Variants in PARD3B observed in about 807,000 individuals in gnomAD.
PARD3B encodes partitioning defective 3 homolog B.
A neutral mutation model predicts 130.2 loss-of-function variants in PARD3B; 103 were observed. The observed-to-expected ratio is 0.79, with a 90% confidence interval of 0.67 to 0.93. The LOEUF is 0.93. Ranked by LOEUF, PARD3B falls within the 40% of genes least tolerant of loss-of-function variation. PARD3B has a pLI of 0.00. For synonymous variants in PARD3B, 583 were observed against 553.2 expected, an observed-to-expected ratio of 1.05 and a Z score of -0.76; for missense variants, 1,609 against 1,499.2, an observed-to-expected ratio of 1.07 and a Z score of -1.21.
rs577041553 is a variant in PARD3B, at chr2:204,976,941, T to C, written c.394+11618T>C. ...ACTGATATTTTGATCTGGTCTTTTG[T>C]TATCCCTTTATTCCACTTTCAACTT... On this transcript the variant is annotated intron_variant, in intron 3 of 22. Transcript: ENST00000406610. Among the ~76,000 whole-genome samples, 29 of 152,282 alleles carry C rather than the reference T, an allele frequency of 1.9e-4. No homozygotes were observed. In the South Asian group the frequency reaches 5.8e-3, roughly 31 times the overall value.
At chr2:205,232,590 A>C (rs1574461664) in intron 15 of PARD3B, among the ~76,000 whole-genome samples, 1 of 152,246 alleles carries the variant, frequency 6.6e-6, no homozygotes, top group Non-Finnish European at 1.5e-5. Context: ...TAAAACCAGA[A>C]CTGACACAGA....
Position 205,287,084 on chromosome 2 carries a change from T to A in PARD3B, c.2186-13446T>A, listed in dbSNP as rs897975637. On this transcript the variant is annotated intron_variant, in intron 16 of 22. Transcript: ENST00000406610. The surrounding 1 kb of genome is among the most constrained non-coding windows in gnomAD (Gnocchi z 4.8). ...GACTGGAACATGCCTGTCTATAAGC[T>A]GGTGTCAGACACACTTCTCACTGGT... Among the ~76,000 whole-genome samples, 2 of 152,172 alleles carry A rather than the reference T, an allele frequency of 1.3e-5. No individual in the cohort carries two copies. The highest frequency in any genetic ancestry group is 2.9e-5 in the Non-Finnish European group (2 of 68,018).
intron 18 of PARD3B, among the ~76,000 whole-genome samples, chr2:205,400,806 A>T (rs2046225014): frequency 6.6e-6 from 1 of 152,186 alleles, no homozygotes; most frequent in South Asian, 2.1e-4. Context: ...GAAGGAAGGA[A>T]GGAAAGAAGA....
chr2:205,053,232 A>G (rs957057740), intron 4 of PARD3B, among the ~76,000 whole-genome samples: 1 of 152,084 alleles, frequency 6.6e-6, no homozygotes, highest in African/African-American at 2.4e-5. Context: ...GACCCATGAA[A>G]GAAATCACCG....
intron 21 of PARD3B, among the ~76,000 whole-genome samples, chr2:205,502,848 C>T (rs1167457155): frequency 6.6e-6 from 1 of 151,726 alleles, no homozygotes; most frequent in Non-Finnish European, 1.5e-5. Context: ...TTTGGCTGGC[C>T]CTGGACTTTC....
intron 18 of PARD3B, among the ~76,000 whole-genome samples, chr2:205,343,459 A>G (rs1192598935): frequency 6.6e-6 from 1 of 152,192 alleles, no homozygotes; most frequent in Non-Finnish European, 1.5e-5. Context: ...CTTTGCTATC[A>G]TTGCTTCAAA....
chr2:204,771,952 C>T (rs555753237), intron 2 of PARD3B, among the ~76,000 whole-genome samples: 1 of 152,030 alleles, frequency 6.6e-6, no homozygotes, highest in South Asian at 2.1e-4. Flanking sequence ...TAGTCTTTTT[C>T]TGTATTTGAT....
At chr2:204,558,968 C>T (rs1326083206) in intron 1 of PARD3B, among the ~76,000 whole-genome samples, 1 of 152,156 alleles carries the variant, frequency 6.6e-6, no homozygotes, top group African/African-American at 2.4e-5. Context: ...ATAAATGGTG[C>T]TGGGAAAACA....
intron 2 of PARD3B, among the ~76,000 whole-genome samples, chr2:204,784,819 T>C (rs572862714): frequency 6.6e-4 from 101 of 152,352 alleles, no homozygotes; most frequent in African/African-American, 2.2e-3. Context: ...ATGAGATTGC[T>C]GGTCAAGTTA....
At chr2:205,601,348 AT>A (rs542629062) in intron 22 of PARD3B, among the ~76,000 whole-genome samples, 152 of 151,202 alleles carry the variant, frequency 1.0e-3, no homozygotes, top group African/African-American at 3.6e-3. Context: ...TTTTAATGGG[AT>A]TTTTTTTCCT....
intron 2 of PARD3B, among the ~76,000 whole-genome samples, chr2:204,891,548 T>C (rs1390100016): frequency 6.6e-6 from 1 of 152,216 alleles, no homozygotes; most frequent in Non-Finnish European, 1.5e-5. Context: ...TTTTAATCAG[T>C]GTTCAAAATA....
At chr2:204,679,957 A>G (rs1177043632) in intron 1 of PARD3B, among the ~76,000 whole-genome samples, 6 of 152,126 alleles carry the variant, frequency 3.9e-5, no homozygotes, top group Non-Finnish European at 8.8e-5. Flanking sequence ...AATGTTTAAG[A>G]TTTTTACCTA....
At position 205,592,299 on chromosome 2, in the gene PARD3B, T is replaced by G. The variant is rs1311502844; in HGVS notation, c.3261-23157T>G. On this transcript the variant is annotated intron_variant, in intron 22 of 22. Coordinates refer to ENST00000406610, the MANE Select transcript of PARD3B (RefSeq NM_001302769.2). This position sits in a 1 kb window ranked among gnomAD's most constrained non-coding sequence, Gnocchi z 4.5. ...TGTTCATTGGAATTGCTGTACGCCT[T>G]GGGAGCTTGGTCATTAGGCAACAAG... 6.6e-6 allele frequency among the ~76,000 whole-genome samples: 1 copy of G among 152,208 alleles called. No individual in the cohort carries two copies. The highest frequency in any genetic ancestry group is 1.5e-5 in the Non-Finnish European group (1 of 68,036).
rs187653182 is a variant in PARD3B, at chr2:205,227,616, T to A, written c.2141-18162T>A. Among the ~76,000 whole-genome samples the A allele has an allele frequency of 2.4e-3, 361 of 151,554 alleles. 2 individuals carry two copies. Among genetic ancestry groups the A allele is most frequent in the African/African-American group, 8.5e-3 (351 of 41,444 alleles). On this transcript the variant is annotated intron_variant, in intron 15 of 22. Coordinates refer to ENST00000406610, the MANE Select transcript of PARD3B (RefSeq NM_001302769.2). ...CTTATAGGCAACAGATTATTGCATC[T>A]TTTTTTTTAAATCTATTCAGCCACT...
intron 2 of PARD3B, among the ~76,000 whole-genome samples, chr2:204,940,935 A>G (rs1688851750): frequency 6.7e-6 from 1 of 148,466 alleles, no homozygotes; most frequent in African/African-American, 2.5e-5. Flanking sequence ...ACAAGAAAAA[A>G]GTAAGAGTTA....
At chr2:204,629,752 T>C (rs2034615416) in intron 1 of PARD3B, among the ~76,000 whole-genome samples, 2 of 152,206 alleles carry the variant, frequency 1.3e-5, no homozygotes, top group South Asian at 4.1e-4. Context: ...CATAGTAGTA[T>C]GTTTCATTGC....
intron 2 of PARD3B, among the ~76,000 whole-genome samples, chr2:204,791,638 A>C (rs550892654): frequency 3.0e-4 from 45 of 152,368 alleles, no homozygotes; most frequent in African/African-American, 9.1e-4. Context: ...AGTTCTTGAC[A>C]GTAATAACTA....
At chr2:205,293,400 G>A (rs2041680322) in intron 16 of PARD3B, 1 of 152,156 alleles carries the variant, frequency 6.6e-6, no homozygotes, top group Non-Finnish European at 1.5e-5. Context: ...AAAGGAAAGA[G>A]AGGGAAAAAA....
At chr2:205,175,764 G>A (rs758781065) in intron 12 of PARD3B, among the ~76,000 whole-genome samples, 1 of 152,190 alleles carries the variant, frequency 6.6e-6, no homozygotes, top group Non-Finnish European at 1.5e-5. Context: ...TCTATCATCA[G>A]CCTCCTCCAA....
Sources: allele counts gnomAD v4.1 joint callset (sites outside exome capture counted in the v4.1 genomes callset), GRCh38; gene constraint gnomAD v4.1.1; non-coding constraint Gnocchi (gnomAD v3.1); transcripts MANE v1.5; gene names NCBI Gene and HGNC (gene_info 2026-07-23, HGNC 2026-07-21).